TMC2: variants seen among roughly 807,000 people sequenced by gnomAD.
TMC2 encodes the protein transmembrane channel-like protein 2.
Under a neutral mutation model 105.9 loss-of-function variants are expected in TMC2, and 102 were observed. The observed-to-expected ratio is 0.96, with a 90% confidence interval of 0.82 to 1.14. The LOEUF (loss-of-function observed/expected upper bound fraction) is 1.14, where lower values mean the gene tolerates loss of function less well. Ranked by LOEUF, TMC2 falls within the 50% of genes most tolerant of loss-of-function variation. The probability of loss-of-function intolerance (pLI) is 0.00; values close to 1 mark genes in which losing one functional copy is unlikely to be tolerated. For missense variants in TMC2, 1,093 were observed against 1,134.3 expected, an observed-to-expected ratio of 0.96 and a Z score of 0.52; for synonymous variants, 402 against 422.8, an observed-to-expected ratio of 0.95 and a Z score of 0.60.
In TMC2 at chr20:2,572,191, A is replaced by T. The variant is rs372338507; in HGVS notation, c.567A>T (p.Glu189Asp). ...TTTTTCTAAGCAGGGAGGCCCAGGA[A>T]TTTGTGGAGAAGTATGAAGGTGCCT... ...KKLTELREAQEFVEKYEGALG... is the reference protein window; with the variant it reads ...KKLTELREAQDFVEKYEGALG... The change falls in exon 5 of 20, where the codon GAA becomes GAT. Residue 189 changes from glutamate to aspartate, a missense_variant. Transcript: ENST00000358864. 3.0e-5 allele frequency: 49 copies of T among 1,612,042 alleles called. No individual in the cohort carries two copies. In the African/African-American group the frequency reaches 5.7e-4, roughly 19 times the overall value.
At chr20:2,613,095 G>A in intron 13 of TMC2, 99 bp from the exon 14 acceptor site, 1 of 1,475,436 alleles carries the variant, frequency 6.8e-7, no homozygotes, top group African/African-American at 1.4e-5. Flanking sequence ...AAGTCAGGTG[G>A]GTGGGGGAGA....
In TMC2 at chr20:2,610,553, C is replaced by T. The variant is rs749733881; in HGVS notation, c.1548C>T (p.Asn516=). The change falls in exon 12 of 20, where the codon AAC becomes AAT. Residue 516 remains asparagine (N), a synonymous_variant. Coordinates refer to ENST00000358864, the MANE Select transcript of TMC2 (RefSeq NM_080751.3). ...GCATCTTTGCACTCTTCCTGGGGAA[C>T]CTCTACACATTTCTCTTGGCCCTGA... The part of the protein sequence containing the change: ...LGRIFALFLG[N]LYTFLLALMD... 4 of 1,612,494 alleles carry T rather than the reference C, an allele frequency of 2.5e-6. No homozygotes were observed. The highest frequency in any genetic ancestry group is 3.3e-5 in the Admixed American group (2 of 59,862).
At chr20:2,584,404 A>G (rs112739335) in intron 7 of TMC2, among the ~76,000 whole-genome samples, 4,757 of 139,004 alleles carry the variant, frequency 0.034, 326 homozygotes, top group African/African-American at 0.14. Flanking sequence ...AGATCCCGCC[A>G]CTGCACTCCA....
intron 2 of TMC2, among the ~76,000 whole-genome samples, chr20:2,555,043 G>A (rs188070386): frequency 1.1e-3 from 163 of 152,248 alleles, no homozygotes; most frequent in Non-Finnish European, 1.6e-3. Flanking sequence ...TCCAACTATA[G>A]TAGTGAATTG....
chr20:2,635,289 C>G (rs2086633588), intron 17 of TMC2, among the ~76,000 whole-genome samples: 1 of 152,174 alleles, frequency 6.6e-6, no homozygotes, highest in Admixed American at 6.5e-5. Context: ...GCACTCTGAG[C>G]AGGAGGCTTC....
intron 8 of TMC2, among the ~76,000 whole-genome samples, chr20:2,593,857 G>A (rs1446239057): frequency 6.6e-6 from 1 of 152,076 alleles, no homozygotes; most frequent in Non-Finnish European, 1.5e-5. Context: ...TCTTAATTGG[G>A]TTTACAAAGG....
intron 3 of TMC2, among the ~76,000 whole-genome samples, chr20:2,559,138 AC>A (rs1056600120): frequency 6.6e-6 from 1 of 151,954 alleles, no homozygotes; most frequent in South Asian, 2.1e-4. Flanking sequence ...CTGGTGACTC[AC>A]CCCGGCTCTC....
intron 10 of TMC2, among the ~76,000 whole-genome samples, chr20:2,597,623 GACTAC>G (rs2086318222): frequency 6.6e-6 from 1 of 151,788 alleles, no homozygotes; most frequent in African/African-American, 2.4e-5. Context: ...GAGTAGCTGG[GACTAC>G]AGGTGCCTGC....
Position 2,591,193 on chromosome 20 carries a change from G to A in TMC2, c.835-1117G>A, listed in dbSNP as rs947026508. On this transcript the variant is annotated intron_variant, in intron 7 of 19. Transcript: ENST00000358864. ...AATACTTTAATGTCCAACAATAGAGGATTTGTTAAGTAAGTTTCTTGTACA... is the reference window on the plus strand; with the variant it reads ...AATACTTTAATGTCCAACAATAGAGAATTTGTTAAGTAAGTTTCTTGTACA... Among the ~76,000 whole-genome samples, 4 of 152,026 alleles carry A rather than the reference G, an allele frequency of 2.6e-5. No individual in the cohort carries two copies. The South Asian group carries it at 8.3e-4, about 31-fold the overall frequency.
At chr20:2,545,895 A>AAAGAAAGAAAT in intron 2 of TMC2, among the ~76,000 whole-genome samples, 1 of 122,890 alleles carries the variant, frequency 8.1e-6, no homozygotes, top group African/African-American at 3.2e-5. Context: ...AAGAAATGAA[A>AAAGAAAGAAAT]GAAAGAAAGA....
intron 2 of TMC2, among the ~76,000 whole-genome samples, chr20:2,544,712 G>C (rs2085912412): frequency 6.6e-6 from 1 of 152,096 alleles, no homozygotes; most frequent in African/African-American, 2.4e-5. Flanking sequence ...ATCATCTGCT[G>C]TTCTCTCAAC....
chr20:2,599,538 C>CTTTTT (rs1568519575), intron 10 of TMC2, among the ~76,000 whole-genome samples: 1 of 104,068 alleles, frequency 9.6e-6, no homozygotes, highest in Non-Finnish European at 2.1e-5. Context: ...TCTTTAATTA[C>CTTTTT]ATTTTTTTTT....
intron 9 of TMC2, among the ~76,000 whole-genome samples, chr20:2,596,930 A>C (rs1485625375): frequency 6.6e-6 from 1 of 152,052 alleles, no homozygotes; most frequent in African/African-American, 2.4e-5. Context: ...TACCTCATTG[A>C]TACCATGTGT....
intron 6 of TMC2, 40 bp from the exon 7 acceptor site, chr20:2,579,910 C>T (rs769669963): frequency 1.2e-5 from 17 of 1,405,514 alleles, no homozygotes; most frequent in Non-Finnish European, 1.6e-5. Flanking sequence ...CCATTTTTTC[C>T]TTCTGCAGCA....
At chr20:2,622,708 A>G (rs938128049) in intron 16 of TMC2, among the ~76,000 whole-genome samples, 1 of 152,030 alleles carries the variant, frequency 6.6e-6, no homozygotes. Context: ...AGAAAAGAAA[A>G]GAAAGAAAAA....
intron 12 of TMC2, among the ~76,000 whole-genome samples, chr20:2,611,694 C>T (rs1279866912): frequency 6.6e-6 from 1 of 152,180 alleles, no homozygotes; most frequent in Non-Finnish European, 1.5e-5. Context: ...TCTGAGCGAA[C>T]CTCCATCTCT....
intron 2 of TMC2, among the ~76,000 whole-genome samples, chr20:2,545,684 GAAAGAAGAAGGAAGAA>G (rs2085917983): frequency 1.5e-5 from 1 of 65,730 alleles, no homozygotes; most frequent in Non-Finnish European, 4.5e-5. Flanking sequence ...AGAAGAAGAA[GAAAGAAGAAGGAAGAA>G]GAAAGAAGAA....
chr20:2,604,283 G>A lies in TMC2; in HGVS notation c.1413+1982G>A, dbSNP rs538263349. Among the ~76,000 whole-genome samples the A allele has an allele frequency of 1.7e-3, 253 of 152,302 alleles. 5 individuals are homozygous for A. Among genetic ancestry groups the A allele is most frequent in the African/African-American group, 5.7e-3 (235 of 41,568 alleles). On this transcript the variant is annotated intron_variant, in intron 11 of 19. Transcript: ENST00000358864. ...GTCTGTTCTCTTTATCTCAGCCAAC[G>A]TTTCATTCTCTACCAGTTAATTTCA... is the stretch of plus-strand genomic sequence containing the variant.
intron 10 of TMC2, among the ~76,000 whole-genome samples, chr20:2,601,377 G>A (rs1440515856): frequency 1.3e-5 from 2 of 152,212 alleles, no homozygotes; most frequent in South Asian, 2.1e-4. Flanking sequence ...TTTATAGAAT[G>A]AGTTTGCCAA....
Sources: gnomAD v4.1 joint callset for allele counts (sites outside exome capture counted in the v4.1 genomes callset) on GRCh38, gnomAD v4.1.1 for gene constraint, MANE v1.5 for transcripts, NCBI Gene and HGNC (gene_info 2026-07-23, HGNC 2026-07-21) for gene names.